NCAPD3: variants seen among roughly 807,000 people sequenced by gnomAD.
The protein encoded by NCAPD3 is non-SMC condensin II complex subunit D3.
Under a neutral mutation model 182.9 loss-of-function variants are expected in NCAPD3, and 105 were observed. That is an observed-to-expected ratio of 0.57 (90% confidence interval 0.49 to 0.68). The LOEUF (loss-of-function observed/expected upper bound fraction) is 0.68. Among genes scored for constraint, NCAPD3 ranks in the 30% least tolerant of loss-of-function variants. The pLI is 0.00. For missense variants in NCAPD3, 1,944 were observed against 1,837.0 expected, an observed-to-expected ratio of 1.06 and a Z score of -1.07; for synonymous variants, 815 against 679.9, an observed-to-expected ratio of 1.20 and a Z score of -3.09.
intron 32 of NCAPD3, among the ~76,000 whole-genome samples, chr11:134,154,343 C>T (rs956575158): frequency 6.6e-6 from 1 of 152,138 alleles, no homozygotes. Flanking sequence ...CTGAAGTCCA[C>T]CCTCAGTCTC....
intron 3 of NCAPD3, among the ~76,000 whole-genome samples, chr11:134,210,909 A>G (rs1429245071): frequency 6.6e-6 from 1 of 152,226 alleles, no homozygotes; most frequent in South Asian, 2.1e-4. Flanking sequence ...AAGCAGAGTC[A>G]GAAAGACAGG....
At chr11:134,208,693 G>C (rs1234169793) in intron 7 of NCAPD3, among the ~76,000 whole-genome samples, 171 bp downstream of exon 7, 1 of 152,178 alleles carries the variant, frequency 6.6e-6, no homozygotes, top group Non-Finnish European at 1.5e-5. Flanking sequence ...ATAAAGAACA[G>C]AGAGCAAATA....
At chr11:134,165,575 G>A (rs1435035363) in intron 27 of NCAPD3, among the ~76,000 whole-genome samples, 2 of 150,344 alleles carry the variant, frequency 1.3e-5, no homozygotes, top group East Asian at 2.0e-4. Context: ...GATGAGCTTG[G>A]GGGAGGGGCA....
chr11:134,223,567 G>T (rs957163406), intron 1 of NCAPD3: 1 of 684,898 alleles, frequency 1.5e-6, no homozygotes, highest in Non-Finnish European at 2.7e-6. Flanking sequence ...AGAATAGATA[G>T]GTGCACGAAG....
At chr11:134,220,073 C>T (rs1035331753) in intron 2 of NCAPD3, among the ~76,000 whole-genome samples, 10 of 152,168 alleles carry the variant, frequency 6.6e-5, no homozygotes, top group African/African-American at 2.4e-4. Context: ...GGATTACAGG[C>T]ATGAGCCACC....
chr11:134,186,599 T>G (rs1380878913), intron 16 of NCAPD3, among the ~76,000 whole-genome samples: 1 of 152,220 alleles, frequency 6.6e-6, no homozygotes, highest in Non-Finnish European at 1.5e-5. Flanking sequence ...AATGCCATAT[T>G]ATATATTTAA....
intron 13 of NCAPD3, among the ~76,000 whole-genome samples, chr11:134,201,524 C>T (rs1944748715): frequency 6.6e-6 from 1 of 152,158 alleles, no homozygotes; most frequent in South Asian, 2.1e-4. Flanking sequence ...GGTGTGTGAA[C>T]TCTGCCTTAA....
intron 32 of NCAPD3, among the ~76,000 whole-genome samples, chr11:134,155,638 A>G (rs937863713): frequency 1.6e-4 from 24 of 152,182 alleles, no homozygotes; most frequent in Non-Finnish European, 8.8e-5. Context: ...CACTGACATC[A>G]GGGACTCAGG....
Position 134,158,031 on chromosome 11 carries a change from A to G in NCAPD3, c.4071T>C (p.Ser1357=). The change falls in exon 31 of 35, where the codon TCT becomes TCC. Residue 1357 remains serine, a synonymous_variant. Transcript: ENST00000534548. ...MSLSTIAILN[S]VKKAVESKSR... is the part of the protein sequence containing the mutation. ...TCTTTGACTCCACGGCTTTCTTGAC[A>G]GAATTCAGGATTGCAATGGTGCTCA... 1 of 1,614,174 alleles carries G rather than the reference A, an allele frequency of 6.2e-7. No homozygotes were observed. The highest frequency in any genetic ancestry group is 8.5e-7 in the Non-Finnish European group (1 of 1,180,030).
At chr11:134,206,487 A>T in intron 8 of NCAPD3, 112 bp downstream of exon 8, 1 of 1,436,790 alleles carries the variant, frequency 7.0e-7, no homozygotes, top group Non-Finnish European at 9.6e-7. Flanking sequence ...TCACCCCCAA[A>T]ACCACCATCA....
chr11:134,216,082 T>C (rs1176248781), intron 3 of NCAPD3, among the ~76,000 whole-genome samples: 1 of 152,188 alleles, frequency 6.6e-6, no homozygotes, highest in Non-Finnish European at 1.5e-5. Context: ...AAACCACTAC[T>C]TTTTTGAGAG....
upstream of NCAPD3, chr11:134,225,323 G>A (rs748729536): frequency 5.6e-6 from 9 of 1,613,848 alleles, no homozygotes; most frequent in Non-Finnish European, 5.9e-6. Flanking sequence ...AGGGCATCAA[G>A]ATCGAGTTCA....
At chr11:134,212,401 G>GTGTGTGTC (rs1212510613) in intron 3 of NCAPD3, among the ~76,000 whole-genome samples, 27 of 151,958 alleles carry the variant, frequency 1.8e-4, no homozygotes, top group Admixed American at 4.6e-4. Context: ...GTGTGTGTGT[G>GTGTGTGTC]TGTGTGTGTT....
intron 27 of NCAPD3, among the ~76,000 whole-genome samples, chr11:134,167,685 G>A (rs1309581086): frequency 1.4e-5 from 2 of 138,132 alleles, no homozygotes; most frequent in African/African-American, 2.7e-5. Context: ...ATGAGCTTGG[G>A]GGAGGGGCAC....
chr11:134,166,791 G>A (rs1259973061), intron 27 of NCAPD3, among the ~76,000 whole-genome samples: 1 of 88,884 alleles, frequency 1.1e-5, no homozygotes, highest in East Asian at 4.1e-4. Flanking sequence ...GCGCACACTC[G>A]TGAGAGGAGC....
At chr11:134,206,500 C>A (rs1259035573) in intron 8 of NCAPD3, 99 bp downstream of exon 8, 4 of 1,496,398 alleles carry the variant, frequency 2.7e-6, no homozygotes, top group African/African-American at 1.4e-5. Flanking sequence ...CACCATCAGG[C>A]CAGAAATTTT....
intron 32 of NCAPD3, chr11:134,153,626 G>A: frequency 3.8e-6 from 2 of 523,064 alleles, no homozygotes; most frequent in Admixed American, 6.5e-5. Context: ...CACGCCTCTG[G>A]CTTCCCTCCC....
chr11:134,196,446 C>A (rs191496780), intron 13 of NCAPD3, among the ~76,000 whole-genome samples: 51 of 152,046 alleles, frequency 3.4e-4, no homozygotes, highest in Non-Finnish European at 6.8e-4. Context: ...GAGTTCAAGA[C>A]CAGCCTGACC....
intron 29 of NCAPD3, 21 bp from the exon 30 acceptor site, chr11:134,158,516 T>C: frequency 1.2e-6 from 2 of 1,607,850 alleles, no homozygotes; most frequent in Non-Finnish European, 1.7e-6. Flanking sequence ...AGATAAAGAG[T>C]ATGTACATTC....
Sources: allele counts gnomAD v4.1 joint callset (sites outside exome capture counted in the v4.1 genomes callset), GRCh38; gene constraint gnomAD v4.1.1; transcripts MANE v1.5; gene names NCBI Gene and HGNC (gene_info 2026-07-23, HGNC 2026-07-21).